The following PDZD9 variants were observed in gnomAD, a reference collection of about 807,000 sequenced individuals.
PDZD9 encodes PDZ domain-containing protein 9.
Under a neutral mutation model 16.3 loss-of-function variants are expected in PDZD9, and 13 were observed. That is an observed-to-expected ratio of 0.80 (90% CI 0.52 to 1.27). The LOEUF (loss-of-function observed/expected upper bound fraction) is 1.27, where lower values mean the gene tolerates loss of function less well. PDZD9 is among the 50% of genes most tolerant of loss of function. The pLI, the probability that PDZD9 is intolerant of heterozygous loss-of-function variation, is 0.00. For synonymous variants in PDZD9, 120 were observed against 111.0 expected (o/e 1.08, Z -0.51); for missense variants, 288 against 310.9 (o/e 0.93, Z 0.55).
chr16:21,995,180 C>T (rs1037691886), intron 2 of PDZD9: 9 of 453,890 alleles, frequency 2.0e-5, no homozygotes, highest in Admixed American at 1.4e-4. Context: ...GTTGTTTAAA[C>T]GTGTGTAGCA....
At chr16:21,999,259 C>T (rs1899229479) in intron 1 of PDZD9, 1 of 218,102 alleles carries the variant, frequency 4.6e-6, no homozygotes, top group Admixed American at 4.2e-5. Context: ...GTGGCAGGGA[C>T]CCTGGAACCC....
the PDZD9 span, among the ~76,000 whole-genome samples, chr16:21,967,974 G>A: frequency 6.6e-6 from 1 of 150,468 alleles, no homozygotes; most frequent in Non-Finnish European, 1.5e-5. Flanking sequence ...GTTTAGGCCA[G>A]TGTATGCTCT....
At chr16:21,989,378 CAG>C (rs1390433967) in intron 2 of PDZD9, among the ~76,000 whole-genome samples, 5 of 151,978 alleles carry the variant, frequency 3.3e-5, no homozygotes, top group African/African-American at 1.2e-4. Flanking sequence ...CTTGGTGTGA[CAG>C]AGGCTAAAAA....
the PDZD9 span, chr16:21,974,092 G>GCT: frequency 2.3e-6 from 2 of 861,682 alleles, no homozygotes; most frequent in Non-Finnish European, 3.6e-6. Context: ...ACTTATCAGA[G>GCT]CTCTGTATAG....
the PDZD9 span, among the ~76,000 whole-genome samples, chr16:21,975,783 A>T: frequency 6.6e-6 from 1 of 152,108 alleles, no homozygotes; most frequent in African/African-American, 2.4e-5. Context: ...CTTATTCTTT[A>T]TGGGTGATTA....
chr16:21,990,986 T>C (rs1899007935), intron 2 of PDZD9, among the ~76,000 whole-genome samples: 1 of 152,180 alleles, frequency 6.6e-6, no homozygotes, highest in Admixed American at 6.5e-5. Flanking sequence ...ATATAAACTT[T>C]GTCTCGATTA....
At chr16:21,989,747 G>A (rs923613915) in intron 2 of PDZD9, among the ~76,000 whole-genome samples, 1 of 152,204 alleles carries the variant, frequency 6.6e-6, no homozygotes, top group African/African-American at 2.4e-5. Context: ...GCAGGATAAG[G>A]AAAGAAACAA....
chr16:21,968,662 C>T, the PDZD9 span: 1 of 1,609,440 alleles, frequency 6.2e-7, no homozygotes, highest in Admixed American at 1.7e-5. Flanking sequence ...TTCACAAGTG[C>T]AAGAATGGCT....
At chr16:21,971,910 A>G in the PDZD9 span, 2 of 1,613,334 alleles carry the variant, frequency 1.2e-6, no homozygotes, top group South Asian at 1.1e-5. Flanking sequence ...CTCTATCCTT[A>G]ATCTGGCCCC....
chr16:21,973,869 A>G, the PDZD9 span: 2 of 1,605,332 alleles, frequency 1.2e-6, no homozygotes, highest in African/African-American at 1.3e-5. Context: ...GTAGAATATC[A>G]TACAGTAAAG....
At chr16:21,979,749 G>A (rs183929832), downstream of PDZD9, among the ~76,000 whole-genome samples, 75 of 152,268 alleles carry the variant, frequency 4.9e-4, no homozygotes, top group Non-Finnish European at 8.2e-4. Flanking sequence ...CATAGGCTAC[G>A]CTAAATTTAT....
the PDZD9 span, among the ~76,000 whole-genome samples, chr16:21,966,622 T>TA: frequency 2.0e-5 from 3 of 152,236 alleles, no homozygotes; most frequent in African/African-American, 7.2e-5. Context: ...TTTTGACTTA[T>TA]CAATTAACAG....
chr16:21,961,192 G>T, the PDZD9 span: 1 of 263,234 alleles, frequency 3.8e-6, no homozygotes, highest in Non-Finnish European at 8.1e-6. Flanking sequence ...TCTGCTGATA[G>T]GAGTATAAAT....
the PDZD9 span, among the ~76,000 whole-genome samples, chr16:21,964,504 A>C: frequency 6.6e-6 from 1 of 152,134 alleles, no homozygotes; most frequent in Non-Finnish European, 1.5e-5. Flanking sequence ...CTCTTACTTT[A>C]TGCTCTACCC....
At chr16:21,995,267 G>GT (rs1485686863) in intron 2 of PDZD9, 15 of 456,710 alleles carry the variant, frequency 3.3e-5, no homozygotes, top group Non-Finnish European at 5.3e-5. Flanking sequence ...TGCCATGATT[G>GT]TAAGTTTCCT....
the PDZD9 span, chr16:21,962,509 G>A: frequency 1.2e-6 from 2 of 1,614,116 alleles, no homozygotes; most frequent in Non-Finnish European, 1.7e-6. Context: ...ATGCCTGCGG[G>A]GTGATGTGTA....
chr16:21,978,928 A>G (rs1293237734), downstream of PDZD9, among the ~76,000 whole-genome samples: 1 of 152,220 alleles, frequency 6.6e-6, no homozygotes, highest in African/African-American at 2.4e-5. Flanking sequence ...CACAGAAATA[A>G]ACAGACAGCA....
At chr16:21,994,158 T>G (rs1290694144) in intron 2 of PDZD9, among the ~76,000 whole-genome samples, 1 of 152,234 alleles carries the variant, frequency 6.6e-6, no homozygotes, top group Non-Finnish European at 1.5e-5. Context: ...ATCAAGCCAC[T>G]GCACTCCAGC....
At chr16:21,977,860 A>G in the PDZD9 span, among the ~76,000 whole-genome samples, 4 of 152,202 alleles carry the variant, frequency 2.6e-5, no homozygotes, top group African/African-American at 9.6e-5. Flanking sequence ...TGAGCACACT[A>G]CAAAGTTGCA....
Sources: gnomAD v4.1 joint callset for allele counts (sites outside exome capture counted in the v4.1 genomes callset) on GRCh38, gnomAD v4.1.1 for gene constraint, MANE v1.5 for transcripts, NCBI Gene and HGNC (gene_info 2026-07-23, HGNC 2026-07-21) for gene names.